Variants in UNC80 observed in about 807,000 individuals in gnomAD.
UNC80 encodes protein unc-80 homolog.
UNC80 carries 164 observed loss-of-function variants against 384.6 expected under a neutral mutation model. That is an observed-to-expected ratio of 0.43 (90% CI 0.38 to 0.49). The LOEUF (loss-of-function observed/expected upper bound fraction) is 0.49. Ranked by LOEUF, UNC80 falls within the 20% of genes least tolerant of loss-of-function variation. The pLI is 0.00. For missense variants in UNC80, 3,330 were observed against 4,143.0 expected, an observed-to-expected ratio of 0.80 and a Z score of 5.39; for synonymous variants, 1,486 against 1,527.8, an observed-to-expected ratio of 0.97 and a Z score of 0.64.
chr2:209,973,218 A>T lies in UNC80; in HGVS notation c.8535A>T (p.Lys2845Asn). 6.4e-7 allele frequency: 1 copy of T among 1,551,682 alleles called. No homozygotes were observed. Among genetic ancestry groups the T allele is most frequent in the South Asian group, 1.2e-5 (1 of 84,048 alleles). The change falls in exon 56 of 65, where the codon AAA (lysine) becomes AAT (asparagine). Residue 2845 changes from lysine (K) to asparagine (N), a missense_variant. By Grantham distance (94) the Lys-to-Asn change is moderately conservative (BLOSUM62 0). Coordinates refer to ENST00000673920, the MANE Select transcript of UNC80 (RefSeq NM_001371986.1). The stretch of plus-strand genomic sequence containing the variant: ...GCTCCACCCCTGGGGATGCGGGGAA[A>T]GACTTGCGCAGGGAAGGGCTGGCTG... ...AHCSTPGDAGKDLRREGLAES... is the reference protein window; with the variant it reads ...AHCSTPGDAGNDLRREGLAES...
chr2:209,920,201 T>A (rs528221227), intron 33 of UNC80, among the ~76,000 whole-genome samples: 1 of 152,298 alleles, frequency 6.6e-6, no homozygotes, highest in South Asian at 2.1e-4. Flanking sequence ...TAATTGCTAC[T>A]CTACCTTTCA....
rs2077420049 is a variant in UNC80, at chr2:209,786,236, A to T, written c.724+47A>T. On this transcript the variant is annotated intron_variant, in intron 5 of 64. Coordinates refer to ENST00000673920, the MANE Select transcript of UNC80 (RefSeq NM_001371986.1). The stretch of plus-strand genomic sequence containing the variant: ...TAGGACAGTATTAGCAGATTCCCTC[A>T]CACACAGTAGTTAGAGTGATGGGAT... 1.9e-6 allele frequency: 3 copies of T among 1,587,980 alleles called. No homozygotes were observed. The South Asian group carries it at 3.5e-5, about 18-fold the overall frequency.
At chr2:209,889,106 C>G (rs1338200816) in intron 26 of UNC80, among the ~76,000 whole-genome samples, 2 of 152,230 alleles carry the variant, frequency 1.3e-5, no homozygotes, top group Non-Finnish European at 2.9e-5. Context: ...TAAACAAGTT[C>G]CCTAACCATG....
intron 6 of UNC80, among the ~76,000 whole-genome samples, chr2:209,791,159 C>T (rs2077771806): frequency 6.6e-6 from 1 of 152,168 alleles, no homozygotes; most frequent in Non-Finnish European, 1.5e-5. Context: ...GCTGAACCTA[C>T]CTAATTGAGT....
In UNC80 at chr2:209,973,206, G is replaced by A. The variant is rs1004552911; in HGVS notation, c.8523G>A (p.Gly2841=). ...CCCCAGCCCACTGCTCCACCCCTGGGGATGCGGGGAAAGACTTGCGCAGGG... is the reference window on the plus strand; with the variant it reads ...CCCCAGCCCACTGCTCCACCCCTGGAGATGCGGGGAAAGACTTGCGCAGGG... The part of the protein sequence containing the change: ...ESSPAHCSTP[G]DAGKDLRREG... The change falls in exon 56 of 65, where the codon GGG becomes GGA. Residue 2841 remains glycine (G), a synonymous_variant. Transcript: ENST00000673920. The A allele has an allele frequency of 2.4e-5, 37 of 1,551,576 alleles. No individual in the cohort carries two copies. Among genetic ancestry groups the A allele is most frequent in the Non-Finnish European group, 3.0e-5 (34 of 1,147,008 alleles).
At chr2:209,867,247 G>A (rs1167167536) in intron 22 of UNC80, among the ~76,000 whole-genome samples, 2 of 152,186 alleles carry the variant, frequency 1.3e-5, no homozygotes, top group Non-Finnish European at 2.9e-5. Flanking sequence ...TCTGGGGATG[G>A]AGCTAAGGAA....
At chr2:209,781,460 T>C (rs1025956274) in intron 4 of UNC80, among the ~76,000 whole-genome samples, 3 of 152,126 alleles carry the variant, frequency 2.0e-5, no homozygotes, top group Admixed American at 1.3e-4. Context: ...AACTTCTGAG[T>C]TGTTGAATCT....
chr2:209,781,449 C>A (rs957391117), intron 4 of UNC80, among the ~76,000 whole-genome samples: 1 of 150,688 alleles, frequency 6.6e-6, no homozygotes, highest in Admixed American at 6.6e-5. Context: ...AGGTCATGAA[C>A]AACTTCTGAG....
intron 22 of UNC80, among the ~76,000 whole-genome samples, chr2:209,865,293 C>A (rs2083649701): frequency 1.3e-5 from 2 of 151,862 alleles, no homozygotes; most frequent in African/African-American, 4.8e-5. Flanking sequence ...AATTCCTTTA[C>A]TCTTCCCTCA....
chr2:209,913,832 C>A lies in UNC80; in HGVS notation c.4921C>A (p.Leu1641Met). ...VMSLSPAPLS[L>M]LIKAAPILTE... Reference sequence around the variant, plus strand: ...GAGCTTGTCGCCTGCTCCCTTATCTCTGTTAATCAAGGCAGCACCAATTCT... The same window carrying A: ...GAGCTTGTCGCCTGCTCCCTTATCTATGTTAATCAAGGCAGCACCAATTCT... The change falls in exon 31 of 65, where the codon CTG becomes ATG. Residue 1641 changes from leucine (L) to methionine (M), a missense_variant. Around this residue, in one of 8 missense-constraint regions of UNC80, gnomAD observed 801 missense variants for 950.8 expected, o/e 0.84. Transcript: ENST00000673920. The A allele has an allele frequency of 6.4e-7, 1 of 1,551,020 alleles. No individual in the cohort carries two copies. Among genetic ancestry groups the A allele is most frequent in the South Asian group, 1.2e-5 (1 of 83,990 alleles).
chr2:209,917,964 G>C lies in UNC80; in HGVS notation c.5211+6G>C, dbSNP rs1374975452. 6.4e-7 allele frequency: 1 copy of C among 1,551,050 alleles called. No homozygotes were observed. Among genetic ancestry groups the C allele is most frequent in the Admixed American group, 2.0e-5 (1 of 50,970 alleles). On this transcript the variant is annotated splice_donor_region_variant and intron_variant, in intron 32 of 64. Coordinates refer to ENST00000673920, the MANE Select transcript of UNC80 (RefSeq NM_001371986.1). Reference sequence around the variant, plus strand: ...GGGCACAGCAGATTTTTAAGGTGAGGGATACTTCTCACAGAGGAGTTACAT... The same window carrying C: ...GGGCACAGCAGATTTTTAAGGTGAGCGATACTTCTCACAGAGGAGTTACAT...
chr2:209,814,241 CTT>C (rs966628684), intron 8 of UNC80, among the ~76,000 whole-genome samples: 1 of 145,422 alleles, frequency 6.9e-6, no homozygotes. Flanking sequence ...TTTCCAGTGT[CTT>C]TTTTTTTTTT....
chr2:209,910,202 C>T (rs767349210), intron 29 of UNC80, among the ~76,000 whole-genome samples: 5 of 151,196 alleles, frequency 3.3e-5, no homozygotes, highest in Non-Finnish European at 7.4e-5. Flanking sequence ...AGTTTCTCTA[C>T]AGATCCCTGC....
At chr2:209,792,149 G>C (rs1031906510) in intron 6 of UNC80, among the ~76,000 whole-genome samples, 1 of 152,042 alleles carries the variant, frequency 6.6e-6, no homozygotes, top group Non-Finnish European at 1.5e-5. Context: ...ACTAAAAATA[G>C]AAAAATGAGC....
chr2:209,809,499 C>A, intron 7 of UNC80: 1 of 1,216,552 alleles, frequency 8.2e-7, no homozygotes, highest in Non-Finnish European at 1.2e-6. Flanking sequence ...AGTACCAGTG[C>A]CAGGCGTGCG....
rs1299781997 is a variant in UNC80 at position 209,817,011 on chromosome 2, G to A, written c.1438G>A (p.Glu480Lys). 1.9e-6 allele frequency: 3 copies of A among 1,551,654 alleles called. No homozygotes were observed. The highest frequency in any genetic ancestry group is 2.4e-5 in the East Asian group (1 of 40,916). The change falls in exon 10 of 65, where the codon GAG becomes AAG. Residue 480 changes from glutamate (E) to lysine (K), a missense_variant. Transcript: ENST00000673920. ...AATGGGAGTGCCCTTCCTGCTTCAC[G>A]AGGACCACCTGGATGTGTCCCCCAC... ...RRMGVPFLLH[E>K]DHLDVSPTRS...
chr2:209,816,931 G>A lies in UNC80; in HGVS notation c.1358G>A (p.Arg453Gln), dbSNP rs886507178. 28 of 1,551,554 alleles carry A rather than the reference G, an allele frequency of 1.8e-5. No individual in the cohort carries two copies. Among genetic ancestry groups the A allele is most frequent in the Non-Finnish European group, 2.4e-5 (27 of 1,147,002 alleles). ...FKKFKSRKED[R>Q]ERKGSIPFHH... is the part of the protein sequence containing the mutation. ...TAGTTCAAGAGCCGCAAAGAAGACC[G>A]AGAGAGGAAAGGCTCCATTCCATTC... Residue 453 changes from arginine to glutamine, a missense_variant, in exon 10 of 65, where the codon CGA becomes CAA. By Grantham distance (43) the Arg-to-Gln change is conservative. Transcript: ENST00000673920.
At chr2:209,834,194 T>C (rs1437659336) in intron 17 of UNC80, 26 bp downstream of exon 17, 2 of 1,549,626 alleles carry the variant, frequency 1.3e-6, no homozygotes, top group Non-Finnish European at 1.7e-6. Context: ...TCTCTGAATA[T>C]TACTGTTTGC....
At chr2:209,838,178 C>T (rs527258904) in intron 18 of UNC80, among the ~76,000 whole-genome samples, 1 of 152,096 alleles carries the variant, frequency 6.6e-6, no homozygotes, top group East Asian at 1.9e-4. Context: ...ATCGTATTGC[C>T]ACATTACTTT....
Sources: gnomAD v4.1 joint callset for allele counts (sites outside exome capture counted in the v4.1 genomes callset) on GRCh38, gnomAD v4.1.1 for gene constraint, gnomAD v4.1.1 regional missense constraint, MANE v1.5 for transcripts, NCBI Gene and HGNC (gene_info 2026-07-23, HGNC 2026-07-21) for gene names.